SUMF1: variants seen among roughly 807,000 people sequenced by gnomAD.
The protein encoded by SUMF1 is sulfatase modifying factor 1.
Under a neutral mutation model 47.6 loss-of-function variants are expected in SUMF1, and 48 were observed. That is an observed-to-expected ratio of 1.01 (90% CI 0.80 to 1.28). The LOEUF is 1.28. Among genes scored for constraint, SUMF1 ranks in the 50% most tolerant of loss-of-function variants. The pLI is 0.00. For synonymous variants in SUMF1, 230 were observed against 192.1 expected (o/e 1.20, Z -1.63); for missense variants, 571 against 485.4 (o/e 1.18, Z -1.66).
At chr3:4,087,014 T>C (rs911127609) in intron 8 of SUMF1, among the ~76,000 whole-genome samples, 1 of 152,144 alleles carries the variant, frequency 6.6e-6, no homozygotes, top group African/African-American at 2.4e-5. Flanking sequence ...AACAGACTAA[T>C]ACAAAGTACT....
At chr3:4,129,889 C>A (rs1024149878) in intron 8 of SUMF1, among the ~76,000 whole-genome samples, 1 of 152,088 alleles carries the variant, frequency 6.6e-6, no homozygotes, top group African/African-American at 2.4e-5. Flanking sequence ...TCCCCAGTGT[C>A]AGAATGCATA....
At chr3:4,402,516 T>C (rs10510191) in intron 7 of SUMF1, among the ~76,000 whole-genome samples, 5,501 of 152,306 alleles carry the variant, frequency 0.036, 318 homozygotes, top group African/African-American at 0.13. Flanking sequence ...AGAGTAGATA[T>C]AGCCCGATAC....
chr3:4,429,236 C>G (rs1346681063), intron 3 of SUMF1, among the ~76,000 whole-genome samples: 2 of 152,194 alleles, frequency 1.3e-5, no homozygotes, highest in Non-Finnish European at 2.9e-5. Context: ...TTAGATGGTA[C>G]GGTTAGTTTC....
chr3:4,104,372 G>C (rs1693108027), intron 8 of SUMF1, among the ~76,000 whole-genome samples: 1 of 151,994 alleles, frequency 6.6e-6, no homozygotes, highest in African/African-American at 2.4e-5. Context: ...AAATTACCCT[G>C]TCTCAGGTAT....
chr3:4,322,349 T>C (rs1382875678), intron 8 of SUMF1, among the ~76,000 whole-genome samples: 1 of 152,050 alleles, frequency 6.6e-6, no homozygotes, highest in East Asian at 1.9e-4. Context: ...TATATATTGA[T>C]ATGTATAATA....
At chr3:4,227,329 C>T (rs1453524849) in intron 8 of SUMF1, among the ~76,000 whole-genome samples, 1 of 152,008 alleles carries the variant, frequency 6.6e-6, no homozygotes, top group Non-Finnish European at 1.5e-5. Context: ...CGCCACCCTG[C>T]AGAAGCACAC....
chr3:4,417,362 AAT>A, intron 5 of SUMF1, 120 bp from the exon 6 acceptor site: 8 of 683,326 alleles, frequency 1.2e-5, no homozygotes, highest in Non-Finnish European at 1.0e-5. Flanking sequence ...AGCCAGTTAA[AAT>A]ATATATATAA....
At chr3:4,148,082 C>G (rs775154047) in intron 8 of SUMF1, among the ~76,000 whole-genome samples, 5 of 152,140 alleles carry the variant, frequency 3.3e-5, no homozygotes, top group Non-Finnish European at 7.4e-5. Flanking sequence ...TGTTGAATAT[C>G]AGCATTTCCG....
chr3:4,270,276 G>A lies in SUMF1; in HGVS notation c.1014+106054C>T, dbSNP rs114528156. On this transcript the variant is annotated intron_variant and NMD_transcript_variant, in intron 8 of 12. Transcript: ENST00000448413. The stretch of plus-strand genomic sequence containing the variant: ...CACTGAAGTAATACTGACTATAGGT[G>A]ATAAAGTGGTCCCAGGTCTCCATCT... 6.5e-3 allele frequency among the ~76,000 whole-genome samples: 993 copies of A among 152,222 alleles called. 5 individuals carry two copies. The highest frequency in any genetic ancestry group is 0.01 in the Non-Finnish European group (692 of 67,994).
intron 8 of SUMF1, among the ~76,000 whole-genome samples, chr3:4,343,869 G>GA (rs35791579): frequency 2.0e-5 from 3 of 152,236 alleles, no homozygotes; most frequent in African/African-American, 7.2e-5. Context: ...AGGTTTATTG[G>GA]AAAAAATTTT....
intron 3 of SUMF1, among the ~76,000 whole-genome samples, chr3:4,425,596 G>A (rs932873642): frequency 6.6e-6 from 1 of 152,100 alleles, no homozygotes; most frequent in African/African-American, 2.4e-5. Flanking sequence ...TGGAACATGT[G>A]TCACTTCCAA....
intron 8 of SUMF1, among the ~76,000 whole-genome samples, chr3:4,188,895 C>T (rs1056530285): frequency 2.6e-5 from 4 of 152,102 alleles, no homozygotes; most frequent in African/African-American, 9.7e-5. Flanking sequence ...GTAAACACTA[C>T]AATTAATACA....
chr3:4,271,014 A>C (rs1197159572), intron 8 of SUMF1, among the ~76,000 whole-genome samples: 2 of 152,226 alleles, frequency 1.3e-5, no homozygotes, highest in Non-Finnish European at 2.9e-5. Flanking sequence ...CATGTCTCAC[A>C]AACGTTTGTT....
At chr3:4,128,648 C>A (rs1559493838) in intron 8 of SUMF1, among the ~76,000 whole-genome samples, 3 of 152,064 alleles carry the variant, frequency 2.0e-5, no homozygotes, top group Admixed American at 6.6e-5. Flanking sequence ...CAGAGCGTGA[C>A]CCATGAAAAG....
intron 8 of SUMF1, among the ~76,000 whole-genome samples, chr3:4,071,026 T>A (rs1695509112): frequency 6.6e-6 from 1 of 152,098 alleles, no homozygotes; most frequent in African/African-American, 2.4e-5. Flanking sequence ...TTGATTTAGC[T>A]TTGTGTAGTA....
At chr3:4,245,739 G>C (rs1220920264) in intron 8 of SUMF1, among the ~76,000 whole-genome samples, 1 of 152,182 alleles carries the variant, frequency 6.6e-6, no homozygotes, top group African/African-American at 2.4e-5. Flanking sequence ...ATCAGAGCTT[G>C]AATGCCATGC....
intron 9 of SUMF1, among the ~76,000 whole-genome samples, chr3:4,047,907 A>G (rs975597274): frequency 2.0e-5 from 3 of 152,064 alleles, no homozygotes; most frequent in Non-Finnish European, 2.9e-5. Flanking sequence ...AATATCTTAC[A>G]TGCTTTTATC....
chr3:4,364,284 G>C (rs1575134896), intron 8 of SUMF1, among the ~76,000 whole-genome samples: 1 of 108,430 alleles, frequency 9.2e-6, no homozygotes, highest in African/African-American at 3.0e-5. Context: ...GATTGGAATA[G>C]TTTCAGAAGG....
intron 9 of SUMF1, among the ~76,000 whole-genome samples, chr3:4,047,916 T>C (rs986818798): frequency 2.6e-5 from 4 of 152,154 alleles, no homozygotes; most frequent in Non-Finnish European, 4.4e-5. Flanking sequence ...CATGCTTTTA[T>C]CATTTCATCT....
Sources: gnomAD v4.1 joint callset for allele counts (sites outside exome capture counted in the v4.1 genomes callset) on GRCh38, gnomAD v4.1.1 for gene constraint, MANE v1.5 for transcripts, NCBI Gene and HGNC (gene_info 2026-07-23, HGNC 2026-07-21) for gene names.